TCF3: variants seen among roughly 807,000 people sequenced by gnomAD.
The protein encoded by TCF3 is transcription factor E2-alpha.
TCF3 carries 54 observed loss-of-function variants against 72.3 expected under a neutral mutation model. The ratio of observed to expected loss-of-function variants is 0.75; its 90% CI spans 0.60 to 0.94. The LOEUF is 0.94. TCF3 is among the 40% of genes least tolerant of loss of function. The pLI is 0.00. For missense variants in TCF3, 1,078 were observed against 934.4 expected (o/e 1.15, Z -2.00); for synonymous variants, 525 against 412.6 (o/e 1.27, Z -3.30).
At position 1,610,938 on chromosome 19, in the gene TCF3, G is replaced by C. The variant is rs1329744464; in HGVS notation, c.*769C>G. The C allele has an allele frequency of 2.3e-5, 3 of 130,178 alleles. No homozygotes were observed. The highest frequency in any genetic ancestry group is 4.7e-5 in the Non-Finnish European group (3 of 63,772). The allele number at this position is 130,178 out of a possible 1,614,324, so 8.1% of individuals were successfully genotyped here. ...GCAGTGGCTTCCGGGGGGGGGGGGG[G>C]ACGGGGGGGCTCAGGTTTACACGGG... On this transcript the variant is annotated 3_prime_UTR_variant, in exon 19 of 19. Transcript: ENST00000262965.
intron 11 of TCF3, among the ~76,000 whole-genome samples, chr19:1,621,393 C>T (rs1324842286): frequency 1.3e-5 from 2 of 152,162 alleles, no homozygotes; most frequent in Non-Finnish European, 2.9e-5. Context: ...GCAGGGGACC[C>T]TGGGTGGGTG....
In TCF3 at chr19:1,609,617, A is replaced by T. The variant is rs41275834; in HGVS notation, c.*2090T>A. On this transcript the variant is annotated 3_prime_UTR_variant, in exon 19 of 19. Transcript: ENST00000262965. ...ACCCAGACCTAGGGGCAGGGCCAGG[A>T]GCAAAACAAGAGGGAGAGGCAAGTT... The T allele has an allele frequency of 0.041, 9,049 of 221,084 alleles. 1,235 individuals carry two copies. Among genetic ancestry groups the T allele is most frequent in the East Asian group, 0.38 (5,770 of 15,006 alleles). 13.7% of individuals were successfully genotyped at this position (221,084 alleles called of 1,614,324 possible). A position where few individuals can be genotyped will look rare whatever the true frequency, so the allele number is the denominator to read the frequency against.
Position 1,621,904 on chromosome 19 carries a change from G to A in TCF3, c.889C>T (p.Pro297Ser), listed in dbSNP as rs1359862036. Residue 297 changes from proline to serine, a missense_variant, in exon 11 of 19, where the codon CCC (proline) becomes TCC (serine). Pro to Ser is a moderately conservative substitution (Grantham distance 74). Transcript: ENST00000262965. ...LPSASSFSSA[P>S]GATYGGVSSH... ...GAGACGCCGCCGTACGTGGCTCCGG[G>A]GGCTGAGGAGAAGGAGGATGCAGAT... 4 of 1,600,690 alleles carry A rather than the reference G, an allele frequency of 2.5e-6. No individual in the cohort carries two copies. The highest frequency in any genetic ancestry group is 1.7e-5 in the Admixed American group (1 of 57,970).
Position 1,632,042 on chromosome 19 carries a change from G to C in TCF3, c.294C>G (p.Leu98=), listed in dbSNP as rs766811436. ...CGCACCAGGCCAGGCACTCACCTCC[G>C]AGTCCCGGTCCCAGGAATGTGGATG... ...LSSSTFLGPG[L]GGKSGERGAY... The change falls in exon 5 of 19, where the codon CTC becomes CTG. Residue 98 remains leucine (L), a synonymous_variant. Transcript: ENST00000262965. The C allele has an allele frequency of 3.1e-6, 5 of 1,612,996 alleles. No homozygotes were observed. In the South Asian group the frequency reaches 5.5e-5, roughly 18 times the overall value.
intron 7 of TCF3, among the ~76,000 whole-genome samples, chr19:1,625,322 G>GC (rs952476550): frequency 1.3e-5 from 2 of 152,236 alleles, no homozygotes; most frequent in Non-Finnish European, 2.9e-5. Context: ...CAGAGCCCGT[G>GC]CCCGTCAGCT....
intron 6 of TCF3, among the ~76,000 whole-genome samples, chr19:1,626,460 A>G (rs1373743048): frequency 2.0e-5 from 3 of 152,026 alleles, no homozygotes; most frequent in Non-Finnish European, 4.4e-5. Flanking sequence ...AAAAAAAAAA[A>G]AAGAATCATC....
chr19:1,638,984 C>A, intron 3 of TCF3, among the ~76,000 whole-genome samples: 1 of 152,238 alleles, frequency 6.6e-6, no homozygotes, highest in East Asian at 1.9e-4. Context: ...GCACAAAGAT[C>A]TGCCAAGCCA....
chr19:1,647,637 C>CTGGA (rs1450301740), intron 2 of TCF3, among the ~76,000 whole-genome samples: 1 of 152,182 alleles, frequency 6.6e-6, no homozygotes, highest in Non-Finnish European at 1.5e-5. Flanking sequence ...CACCCAGCCT[C>CTGGA]CCCTGGACCC....
chr19:1,652,007 G>A (rs533480940), intron 1 of TCF3, among the ~76,000 whole-genome samples: 1 of 149,524 alleles, frequency 6.7e-6, no homozygotes, highest in African/African-American at 2.5e-5. Flanking sequence ...TGCACAGCCC[G>A]TCCGGCGCCC....
At chr19:1,642,256 G>GCGCACACATGCA in intron 3 of TCF3, among the ~76,000 whole-genome samples, 1 of 150,654 alleles carries the variant, frequency 6.6e-6, no homozygotes, top group East Asian at 1.9e-4. Context: ...ACACACACGT[G>GCGCACACATGCA]CGCACACACG....
chr19:1,624,849 C>T (rs944002769), intron 7 of TCF3, among the ~76,000 whole-genome samples: 1 of 152,120 alleles, frequency 6.6e-6, no homozygotes, highest in Non-Finnish European at 1.5e-5. Context: ...TGGGTGATTT[C>T]ACGCTTATTT....
intron 7 of TCF3, among the ~76,000 whole-genome samples, 177 bp downstream of exon 7, chr19:1,625,399 G>GC (rs1053110713): frequency 2.6e-5 from 4 of 152,206 alleles, no homozygotes; most frequent in African/African-American, 9.6e-5. Flanking sequence ...GCCGGCCCCT[G>GC]CCTCGACCCC....
At chr19:1,631,952 T>C in intron 5 of TCF3, 86 bp downstream of exon 5, 1 of 1,555,156 alleles carries the variant, frequency 6.4e-7, no homozygotes, top group Non-Finnish European at 8.7e-7. Flanking sequence ...GGGACTTGCC[T>C]GGCGCTGTGC....
Position 1,615,428 on chromosome 19 carries a change from A to C in TCF3, c.1679T>G (p.Leu560Arg). The change falls in exon 18 of 19, where the codon CTG becomes CGG. Residue 560 changes from leucine to arginine, a missense_variant. Transcript: ENST00000262965. This position sits in a 1 kb window ranked among gnomAD's most constrained non-coding sequence, Gnocchi z 7.3. ...RRVANNARER[L>R]RVRDINEAFK... ...GGCCTCGTTGATGTCACGGACCCGC[A>C]GCCGCTCCCGGGCGTTATTGGCCAC... The C allele has an allele frequency of 6.2e-7, 1 of 1,613,782 alleles. No homozygotes were observed. The highest frequency in any genetic ancestry group is 8.5e-7 in the Non-Finnish European group (1 of 1,179,966).
rs1197174929 is a variant in TCF3, at chr19:1,619,832, G to A, written c.1115C>T (p.Ala372Val). The A allele has an allele frequency of 1.3e-6, 2 of 1,578,692 alleles. No homozygotes were observed. The highest frequency in any genetic ancestry group is 8.6e-7 in the Non-Finnish European group (1 of 1,163,174). ...GGGCGATAAGGCACCGGGGGCTCCT[G>A]CTCGAGGCCACTGTGACGTTCCTGG... ...GLAGTSQWPR[A>V]GAPGALSPSY... The change falls in exon 14 of 19, where the codon GCA becomes GTA. Residue 372 changes from alanine to valine, a missense_variant. Transcript: ENST00000262965.
Position 1,625,601 on chromosome 19 carries a change from C to T in TCF3, c.474G>A (p.Arg158=), listed in dbSNP as rs755980732. ...CTAGGCTGCCGTCTGCCGCTCTCCGCCGGGAGCTGCCGGAGTAGGAGGGGT... is the reference window on the plus strand; with the variant it reads ...CTAGGCTGCCGTCTGCCGCTCTCCGTCGGGAGCTGCCGGAGTAGGAGGGGT... ...QYYPSYSGSS[R]RRAADGSLDT... The change falls in exon 7 of 19, where the codon CGG becomes CGA. Residue 158 remains arginine (R), a synonymous_variant. Coordinates refer to ENST00000262965, the MANE Select transcript of TCF3 (RefSeq NM_003200.5). The T allele has an allele frequency of 1.3e-6, 2 of 1,584,934 alleles. No individual in the cohort carries two copies. Among genetic ancestry groups the T allele is most frequent in the Non-Finnish European group, 1.7e-6 (2 of 1,168,136 alleles).
intron 3 of TCF3, among the ~76,000 whole-genome samples, chr19:1,641,162 CAAAA>C (rs58100035): frequency 8.8e-5 from 11 of 124,792 alleles, no homozygotes; most frequent in African/African-American, 3.2e-4. Flanking sequence ...AACTCGGTCT[CAAAA>C]AAAAAAAAAA....
intron 18 of TCF3, among the ~76,000 whole-genome samples, chr19:1,613,056 C>T (rs375789905): frequency 1.4e-5 from 2 of 144,398 alleles, no homozygotes; most frequent in African/African-American, 2.6e-5. Flanking sequence ...CGGCTGGTGT[C>T]GGGCACAGCA....
intron 2 of TCF3, 119 bp downstream of exon 2, chr19:1,650,058 C>G (rs1189981937): frequency 9.7e-7 from 1 of 1,026,540 alleles, no homozygotes; most frequent in East Asian, 2.7e-5. Context: ...CCGGGGCCTC[C>G]CATCCAAACA....
Sources: gnomAD v4.1 joint callset for allele counts (sites outside exome capture counted in the v4.1 genomes callset) on GRCh38, gnomAD v4.1.1 for gene constraint, Gnocchi (gnomAD v3.1) non-coding constraint, MANE v1.5 for transcripts, NCBI Gene and HGNC (gene_info 2026-07-23, HGNC 2026-07-21) for gene names.